The following PLA2G4F variants were observed in gnomAD, a reference collection of about 807,000 sequenced individuals.
PLA2G4F encodes the protein phospholipase A2 group IVF.
A neutral mutation model predicts 103.1 loss-of-function variants in PLA2G4F; 105 were observed. The observed-to-expected ratio is 1.02, with a 90% CI of 0.87 to 1.20. PLA2G4F has a LOEUF of 1.20. Among genes scored for constraint, PLA2G4F ranks in the 50% most tolerant of loss-of-function variants. The pLI is 0.00. For missense variants in PLA2G4F, 1,155 were observed against 1,075.9 expected (o/e 1.07, Z -1.03); for synonymous variants, 468 against 441.1 (o/e 1.06, Z -0.76).
chr15:42,145,972 C>T, intron 14 of PLA2G4F, 69 bp from the exon 15 acceptor site: 1 of 1,599,872 alleles, frequency 6.3e-7, no homozygotes. Context: ...AAGCAGGAAT[C>T]TTAGCCTTGA....
At chr15:42,146,671 A>G (rs1265678212) in intron 13 of PLA2G4F, 2 of 217,348 alleles carry the variant, frequency 9.2e-6, no homozygotes, top group East Asian at 1.1e-4. Flanking sequence ...GCAGCTCCGA[A>G]TCTTATCGCC....
chr15:42,145,796 G>A lies in PLA2G4F; in HGVS notation c.1642C>T (p.Gln548Ter). ...AGGTAACAGATCCGGGGTTCAGGCT[G>A]GAGCTGCAGCAATCGTCCCATGAAG... ...ELFMGRLLQL[Q>*]PEPRICYLQG... is the part of the protein sequence containing the mutation. Residue 548 changes from glutamine to a stop codon, truncating the protein, a stop_gained, in exon 15 of 20, where the codon CAG becomes TAG. Coordinates refer to ENST00000397272, the MANE Select transcript of PLA2G4F (RefSeq NM_213600.4). LOFTEE classifies it high-confidence loss of function. 6.2e-7 allele frequency: 1 copy of A among 1,614,136 alleles called. No homozygotes were observed. Among genetic ancestry groups the A allele is most frequent in the Non-Finnish European group, 8.5e-7 (1 of 1,180,028 alleles).
At position 42,144,553 on chromosome 15, in the gene PLA2G4F, G is replaced by A. The variant is rs2048860263; in HGVS notation, c.1872C>T (p.Asp624=). The change falls in exon 17 of 20, where the codon GAC becomes GAT. Residue 624 remains aspartate, a synonymous_variant. Transcript: ENST00000397272. ...CGGAAGTGAAGCGGGAGGTGAATAT[G>A]TCCAGCACAGCCTGGGAGAAGGGCC... is the stretch of plus-strand genomic sequence containing the variant. The part of the protein sequence containing the change: ...PQGPFSQAVL[D]IFTSRFTSAQ... The A allele has an allele frequency of 1.2e-6, 2 of 1,613,140 alleles. No homozygotes were observed. The highest frequency in any genetic ancestry group is 2.2e-5 in the East Asian group (1 of 44,880).
chr15:42,144,208 G>A (rs920119689), intron 17 of PLA2G4F, 64 bp from the exon 18 acceptor site: 2 of 1,519,610 alleles, frequency 1.3e-6, no homozygotes, highest in South Asian at 1.3e-5. Context: ...AACCGCTTCT[G>A]TATTTGCATT....
intron 6 of PLA2G4F, 141 bp from the exon 7 acceptor site, chr15:42,152,895 G>T: frequency 1.2e-6 from 1 of 805,120 alleles, no homozygotes; most frequent in Non-Finnish European, 1.9e-6. Context: ...TCCTGGGGCA[G>T]GGTCTAGGAA....
chr15:42,150,404 TGGCCTA>T lies in PLA2G4F; in HGVS notation c.848_853del (p.Leu283_Gly284del), dbSNP rs747732015. 52 of 1,612,858 alleles carry T rather than the reference TGGCCTA, an allele frequency of 3.2e-5. No individual in the cohort carries two copies. The South Asian group carries it at 5.6e-4, about 17-fold the overall frequency. ...CAGGGCCACAGAACACTGTTCCTCC[TGGCCTA>T]GGGGCAGAGAGGAGAGCAGGATGCC... On this transcript the variant is annotated inframe_deletion, in exon 9 of 20. Coordinates refer to ENST00000397272, the MANE Select transcript of PLA2G4F (RefSeq NM_213600.4).
At chr15:42,146,959 A>G (rs780700120) in intron 13 of PLA2G4F, 165 bp downstream of exon 13, 67 of 672,712 alleles carry the variant, frequency 1.0e-4, no homozygotes, top group Non-Finnish European at 1.6e-4. Context: ...AGGGAGGCAA[A>G]ATGGTACCAG....
At position 42,154,101 on chromosome 15, in the gene PLA2G4F, G is replaced by A; in HGVS notation, c.441C>T (p.Leu147=). The A allele has an allele frequency of 6.2e-7, 1 of 1,614,180 alleles. No homozygotes were observed. The highest frequency in any genetic ancestry group is 8.5e-7 in the Non-Finnish European group (1 of 1,180,044). ...GCACTGGTGGGCTCACCTGGTGGTT[G>A]AGTGGGAAGGTGTGTTTGTGAGGTT... ...CGQPHKHTFP[L]NHQDSQELQV... Residue 147 remains leucine, a synonymous_variant, in exon 4 of 20, where the codon CTC becomes CTT. Transcript: ENST00000397272.
intron 6 of PLA2G4F, 46 bp downstream of exon 6, chr15:42,153,254 C>A (rs367612077): frequency 1.3e-6 from 2 of 1,578,906 alleles, no homozygotes; most frequent in Non-Finnish European, 1.7e-6. Flanking sequence ...GGGTTCCTCA[C>A]TGCCCCCCAG....
rs1391394094 is a variant in PLA2G4F at position 42,146,245 on chromosome 15, G to A, written c.1420-4C>T. ...CAGACAGCTTGGCAGGGTTCTCCTG[G>A]GCAGGAAAGAAGGGAGGCAGCTTGG... On this transcript the variant is annotated splice_polypyrimidine_tract_variant and splice_region_variant and intron_variant, in intron 13 of 19. Transcript: ENST00000397272. 6.2e-7 allele frequency: 1 copy of A among 1,613,930 alleles called. No individual in the cohort carries two copies. Among genetic ancestry groups the A allele is most frequent in the South Asian group, 1.1e-5 (1 of 91,074 alleles).
intron 2 of PLA2G4F, among the ~76,000 whole-genome samples, 200 bp downstream of exon 2, chr15:42,155,317 C>A (rs549085849): frequency 6.6e-6 from 1 of 151,740 alleles, no homozygotes; most frequent in Non-Finnish European, 1.5e-5. Flanking sequence ...CACGTATACA[C>A]ATGTACTCAC....
chr15:42,147,039 T>C, intron 13 of PLA2G4F, 85 bp downstream of exon 13: 1 of 1,315,438 alleles, frequency 7.6e-7, no homozygotes, highest in African/African-American at 1.5e-5. Flanking sequence ...AAATCAGATC[T>C]TAGCCTGAGG....
chr15:42,141,526 C>T lies in PLA2G4F; in HGVS notation c.*458G>A, dbSNP rs2048826590. 4.4e-6 allele frequency: 2 copies of T among 450,026 alleles called. No individual in the cohort carries two copies. The highest frequency in any genetic ancestry group is 4.5e-6 in the Non-Finnish European group (1 of 224,228). 27.9% of individuals were successfully genotyped at this position (450,026 alleles called of 1,614,324 possible). A position where few individuals can be genotyped will look rare whatever the true frequency, so the allele number is the denominator to read the frequency against. Reference sequence around the variant, plus strand: ...CCAGGAGCTCGAGGTGGGGTTGGGGCTTGGGCCGCTCTGCAGGAAGTGTGG... The same window carrying T: ...CCAGGAGCTCGAGGTGGGGTTGGGGTTTGGGCCGCTCTGCAGGAAGTGTGG... On this transcript the variant is annotated 3_prime_UTR_variant, in exon 20 of 20. Coordinates refer to ENST00000397272, the MANE Select transcript of PLA2G4F (RefSeq NM_213600.4).
chr15:42,143,597 CTG>C (rs2048847462), intron 18 of PLA2G4F, among the ~76,000 whole-genome samples: 1 of 152,160 alleles, frequency 6.6e-6, no homozygotes, highest in Non-Finnish European at 1.5e-5. Flanking sequence ...CCTCATGGCT[CTG>C]TTGTTACCAT....
Position 42,150,607 on chromosome 15 carries a change from C to T in PLA2G4F, c.771+1G>A, listed in dbSNP as rs765017424. 6.2e-7 allele frequency: 1 copy of T among 1,606,876 alleles called. No individual in the cohort carries two copies. The highest frequency in any genetic ancestry group is 8.5e-7 in the Non-Finnish European group (1 of 1,176,720). On this transcript the variant is annotated splice_donor_variant, in intron 8 of 19. Transcript: ENST00000397272. LOFTEE classifies it high-confidence loss of function. ...ACCGACCATCCTGGCGGCGCACTCACCTGCACAGCTGCCAGCAGCTCCATC... is the reference window on the plus strand; with the variant it reads ...ACCGACCATCCTGGCGGCGCACTCATCTGCACAGCTGCCAGCAGCTCCATC...
At position 42,151,262 on chromosome 15, in the gene PLA2G4F, G is replaced by A. The variant is rs889329977; in HGVS notation, c.602-485C>T. ...GTAGAACGTTGGGAGAGGAAGGTTT[G>A]TAGAGGCGGGAGGAGGAAGAATGGG... On this transcript the variant is annotated intron_variant, in intron 7 of 19. Coordinates refer to ENST00000397272, the MANE Select transcript of PLA2G4F (RefSeq NM_213600.4). 4.4e-5 allele frequency: 43 copies of A among 985,152 alleles called. No homozygotes were observed. The South Asian group carries it at 1.2e-3, about 27-fold the overall frequency. The allele number at this position is 985,152 out of a possible 1,614,324, so 61.0% of individuals were successfully genotyped here. A position where few individuals can be genotyped will look rare whatever the true frequency, so the allele number is the denominator to read the frequency against.
At chr15:42,150,895 G>C (rs1234047856) in intron 7 of PLA2G4F, 118 bp from the exon 8 acceptor site, 1 of 1,481,110 alleles carries the variant, frequency 6.8e-7, no homozygotes, top group South Asian at 1.4e-5. Flanking sequence ...GGAAATGCCA[G>C]CTCTTATCGC....
chr15:42,150,070 C>A (rs2048939445), intron 10 of PLA2G4F, 34 bp downstream of exon 10: 2 of 1,613,732 alleles, frequency 1.2e-6, no homozygotes, highest in Admixed American at 1.7e-5. Context: ...TCTAGCCCAG[C>A]CCCAAGAGGC....
chr15:42,150,226 C>T, intron 9 of PLA2G4F, 85 bp from the exon 10 acceptor site: 1 of 1,590,100 alleles, frequency 6.3e-7, no homozygotes, highest in Non-Finnish European at 8.6e-7. Context: ...GCCCTTGCTG[C>T]CCTGCGATCT....
Sources: gnomAD v4.1 joint callset for allele counts (sites outside exome capture counted in the v4.1 genomes callset) on GRCh38, gnomAD v4.1.1 for gene constraint, MANE v1.5 for transcripts, NCBI Gene and HGNC (gene_info 2026-07-23, HGNC 2026-07-21) for gene names.